The following ASIC2 variants were observed in gnomAD, a reference collection of about 807,000 sequenced individuals.
The protein encoded by ASIC2 is acid sensing ion channel subunit 2, also known as acid-sensing ion channel 2.
ASIC2 carries 25 observed loss-of-function variants against 57.3 expected under a neutral mutation model. That is an observed-to-expected ratio of 0.44 (90% CI 0.32 to 0.61). The LOEUF (loss-of-function observed/expected upper bound fraction) is 0.61, where lower values mean the gene tolerates loss of function less well. Among genes scored for constraint, ASIC2 ranks in the 20% least tolerant of loss-of-function variants. The pLI is 0.06. For missense variants in ASIC2, 641 were observed against 738.1 expected (o/e 0.87, Z 1.52); for synonymous variants, 319 against 307.5 (o/e 1.04, Z -0.39).
chr17:33,203,210 G>A (rs1366667599), intron 1 of ASIC2, among the ~76,000 whole-genome samples: 1 of 152,214 alleles, frequency 6.6e-6, no homozygotes, highest in Non-Finnish European at 1.5e-5. Flanking sequence ...GAAGCAGCCC[G>A]AAGGCAGGGA....
At chr17:33,819,057 C>T (rs1225765123) in intron 1 of ASIC2, among the ~76,000 whole-genome samples, 1 of 152,168 alleles carries the variant, frequency 6.6e-6, no homozygotes, top group Non-Finnish European at 1.5e-5. Flanking sequence ...GACCCATGTG[C>T]TATTTAGGAA....
rs5820015 is a variant in ASIC2, at chr17:33,087,575, G to GTTTTTTTTTTT, written c.987+1277_987+1287dup. 2.7e-5 allele frequency among the ~76,000 whole-genome samples: 3 copies of GTTTTTTTTTTT among 111,042 alleles called. 1 individual carries two copies. The highest frequency in any genetic ancestry group is 1.1e-4 in the African/African-American group (3 of 27,716). The allele number at this position is 111,042 out of a possible 152,430, so 72.8% of individuals were successfully genotyped here. ...GCTCACGTATAGATTTACAACCAGT[G>GTTTTTTTTTTT]TTTTTTTTTTTTTTTTTTTTGAGAC... On this transcript the variant is annotated intron_variant, in intron 3 of 9. Coordinates refer to ENST00000225823, the MANE Select transcript of ASIC2 (RefSeq NM_183377.2).
intron 1 of ASIC2, among the ~76,000 whole-genome samples, chr17:33,125,558 T>G (rs1157191720): frequency 1.3e-5 from 2 of 152,212 alleles, no homozygotes; most frequent in African/African-American, 4.8e-5. Flanking sequence ...TCAAACACCG[T>G]GCTAGGTCCT....
chr17:33,559,617 G>C (rs955155516), intron 1 of ASIC2, among the ~76,000 whole-genome samples: 5 of 152,096 alleles, frequency 3.3e-5, no homozygotes, highest in African/African-American at 1.2e-4. Flanking sequence ...ATTGTCAAAA[G>C]CAGAGATCCC....
chr17:33,437,825 A>G (rs1354768521), intron 1 of ASIC2, among the ~76,000 whole-genome samples: 2 of 152,190 alleles, frequency 1.3e-5, no homozygotes, highest in Admixed American at 6.5e-5. Context: ...TTCCAGATTT[A>G]AATTCTGCAT....
chr17:33,604,460 A>T (rs996451469), intron 1 of ASIC2, among the ~76,000 whole-genome samples: 2 of 152,162 alleles, frequency 1.3e-5, no homozygotes, highest in African/African-American at 4.8e-5. Flanking sequence ...CTCCCTTACC[A>T]TTCCCTTTGA....
chr17:33,541,785 G>T (rs1915419603), intron 1 of ASIC2, among the ~76,000 whole-genome samples: 1 of 152,090 alleles, frequency 6.6e-6, no homozygotes, highest in Admixed American at 6.5e-5. Context: ...ACTACTACAG[G>T]TACTCCATCT....
chr17:33,914,398 G>A (rs538693064), intron 1 of ASIC2, among the ~76,000 whole-genome samples: 3 of 152,270 alleles, frequency 2.0e-5, no homozygotes, highest in African/African-American at 4.8e-5. Context: ...GATGCTGATG[G>A]TCTGTGGTTC....
At chr17:34,071,454 AC>A (rs1269290969) in intron 1 of ASIC2, 2 of 151,720 alleles carry the variant, frequency 1.3e-5, no homozygotes, top group African/African-American at 4.8e-5. Flanking sequence ...CACCTTCCCT[AC>A]CGATGATCAG....
At chr17:34,143,663 G>A (rs1912333911) in intron 1 of ASIC2, among the ~76,000 whole-genome samples, 1 of 152,148 alleles carries the variant, frequency 6.6e-6, no homozygotes, top group African/African-American at 2.4e-5. Context: ...TGGAGATGCT[G>A]GTTTCAATGG....
At chr17:33,815,112 G>A (rs1912538194) in intron 1 of ASIC2, among the ~76,000 whole-genome samples, 1 of 152,092 alleles carries the variant, frequency 6.6e-6, no homozygotes, top group Admixed American at 6.5e-5. Flanking sequence ...GTGAGTGTGG[G>A]TTAAATATGT....
At chr17:33,769,131 G>T (rs1388968066) in intron 1 of ASIC2, among the ~76,000 whole-genome samples, 1 of 152,228 alleles carries the variant, frequency 6.6e-6, no homozygotes, top group Non-Finnish European at 1.5e-5. Flanking sequence ...CTTTGCCATT[G>T]CTGGTGGAGT....
rs531574894 is a variant in ASIC2, at chr17:34,036,431, G to GT, written c.555+119546dup. Among the ~76,000 whole-genome samples the GT allele has an allele frequency of 4.6e-3, 697 of 150,592 alleles. 7 individuals carry two copies. Among genetic ancestry groups the GT allele is most frequent in the African/African-American group, 0.016 (656 of 41,082 alleles). On this transcript the variant is annotated intron_variant, in intron 1 of 9. Coordinates refer to the ASIC2 transcript ENST00000359872. ...AGATATACCTAATGTTAAATGACGA[G>GT]TTAATGGGTGCAGCACACCAACATG...
intron 2 of ASIC2, among the ~76,000 whole-genome samples, chr17:33,102,983 CCA>C (rs1213716944): frequency 2.6e-5 from 4 of 152,168 alleles, no homozygotes; most frequent in Admixed American, 2.6e-4. Flanking sequence ...CAGGGTTTCA[CCA>C]TGTTCGCCAG....
chr17:33,196,807 G>C (rs36067974), intron 1 of ASIC2, among the ~76,000 whole-genome samples: 1 of 152,230 alleles, frequency 6.6e-6, no homozygotes, highest in Non-Finnish European at 1.5e-5. Flanking sequence ...ATATGATTCA[G>C]AAAGCTAATT....
chr17:33,343,653 A>C lies in ASIC2; in HGVS notation c.556-231586T>G, dbSNP rs1012153485. ...TTGGGTATCATAAAGCCTTTCGTAC[A>C]TGAGAGACTTTCAGCCTCAGCCTTA... On this transcript the variant is annotated intron_variant, in intron 1 of 9. Coordinates refer to the ASIC2 transcript ENST00000359872. Among the ~76,000 whole-genome samples the C allele has an allele frequency of 6.6e-5, 10 of 152,170 alleles. No individual in the cohort carries two copies. The East Asian group carries it at 1.9e-3, about 29-fold the overall frequency.
chr17:34,032,259 A>G (rs971843972), intron 1 of ASIC2, among the ~76,000 whole-genome samples: 4 of 152,218 alleles, frequency 2.6e-5, no homozygotes, highest in Admixed American at 6.5e-5. Flanking sequence ...ATCCAGCCAA[A>G]CTAAGCTTCA....
At chr17:33,451,246 T>G (rs1017826861) in intron 1 of ASIC2, among the ~76,000 whole-genome samples, 2 of 151,976 alleles carry the variant, frequency 1.3e-5, no homozygotes, top group Non-Finnish European at 2.9e-5. Context: ...TACAAAGTTT[T>G]GTATTTTTCA....
chr17:33,489,298 C>A (rs946496232), intron 1 of ASIC2, among the ~76,000 whole-genome samples: 1 of 152,134 alleles, frequency 6.6e-6, no homozygotes, highest in Non-Finnish European at 1.5e-5. Context: ...TCATGAAAAC[C>A]CAAAGGGGTG....
Sources: gnomAD v4.1 joint callset for allele counts (sites outside exome capture counted in the v4.1 genomes callset) on GRCh38, gnomAD v4.1.1 for gene constraint, MANE v1.5 for transcripts, NCBI Gene and HGNC (gene_info 2026-07-23, HGNC 2026-07-21) for gene names.